The following MUC5B variants were observed in gnomAD, a reference collection of about 807,000 sequenced individuals.
The protein encoded by MUC5B is mucin 5B, oligomeric mucus/gel-forming.
Under a neutral mutation model 376.9 loss-of-function variants are expected in MUC5B, and 116 were observed. That is an observed-to-expected ratio of 0.31 (90% confidence interval 0.26 to 0.36). The LOEUF (loss-of-function observed/expected upper bound fraction) is 0.36, where lower values mean the gene tolerates loss of function less well. MUC5B is among the 10% of genes least tolerant of loss of function. MUC5B has a pLI of 1.00. For synonymous variants in MUC5B, 3,517 were observed against 3,390.9 expected, an observed-to-expected ratio of 1.04 and a Z score of -1.29; for missense variants, 7,165 against 7,769.9, an observed-to-expected ratio of 0.92 and a Z score of 2.93.
rs759262182 is a variant in MUC5B, at chr11:1,249,139, C to T, written c.12259C>T (p.Pro4087Ser). The change falls in exon 31 of 49, where the codon CCG becomes TCG. Residue 4087 changes from proline (P) to serine (S), a missense_variant. Transcript: ENST00000529681. ...ACCCCCTTCCCCAGGGACGACCACC[C>T]CGGGCCACACCACGGCCACCTCCAG... Reference protein sequence around the residue: ...ESPPSPGTTTPGHTTATSRTT... With the variant: ...ESPPSPGTTTSGHTTATSRTT... The T allele has an allele frequency of 1.9e-6, 3 of 1,611,244 alleles. No individual in the cohort carries two copies. The highest frequency in any genetic ancestry group is 2.7e-5 in the African/African-American group (2 of 74,814).
chr11:1,228,171 C>G (rs796567143), intron 7 of MUC5B, among the ~76,000 whole-genome samples: 30 of 152,176 alleles, frequency 2.0e-4, no homozygotes, highest in Non-Finnish European at 3.4e-4. Flanking sequence ...CATGAGCCCC[C>G]CTGTGAGCTG....
rs746266275 is a variant in MUC5B at position 1,233,234 on chromosome 11, C to T, written c.2287C>T (p.Pro763Ser). Residue 763 changes from proline to serine, a missense_variant, in exon 18 of 49, where the codon CCT (proline) becomes TCT (serine). Pro to Ser is a moderately conservative substitution (Grantham distance 74). Transcript: ENST00000529681. ...CTACGCTCACGGCACCGTGCTGGCT[C>T]CTGGAGAGGTGGTGCACGACGAGGG... ...PCYAHGTVLA[P>S]GEVVHDEGAV... 15 of 1,589,804 alleles carry T rather than the reference C, an allele frequency of 9.4e-6. No individual in the cohort carries two copies. The highest frequency in any genetic ancestry group is 4.5e-5 in the South Asian group (4 of 88,928).
intron 2 of MUC5B, 30 bp downstream of exon 2, chr11:1,225,767 T>C (rs1452395630): frequency 6.3e-7 from 1 of 1,585,484 alleles, no homozygotes; most frequent in African/African-American, 1.3e-5. Context: ...GGTGGGGGGT[T>C]CCTGACCAGG....
chr11:1,248,564 C>T lies in MUC5B; in HGVS notation c.11684C>T (p.Thr3895Ile). Residue 3895 changes from threonine (T) to isoleucine (I), a missense_variant, in exon 31 of 49, where the codon ACC becomes ATC. Around this residue, in one of 31 missense-constraint regions of MUC5B, gnomAD observed 242 missense variants for 199.0 expected, o/e 1.22. Transcript: ENST00000529681. Reference sequence around the variant, plus strand: ...CCTCCAGTGTGGATCAGCACAACCACCACACCCACAACCAGTGGCTCCACG... The same window carrying T: ...CCTCCAGTGTGGATCAGCACAACCATCACACCCACAACCAGTGGCTCCACG... ...RTPPVWISTT[T>I]TPTTSGSTVT... 6.2e-7 allele frequency: 1 copy of T among 1,613,380 alleles called. No homozygotes were observed. The highest frequency in any genetic ancestry group is 1.7e-4 in the Middle Eastern group (1 of 5,888).
intron 25 of MUC5B, 129 bp downstream of exon 25, chr11:1,237,293 T>C: frequency 8.6e-7 from 1 of 1,166,842 alleles, no homozygotes; most frequent in Non-Finnish European, 1.1e-6. Context: ...CGGCACACAG[T>C]CCTGGATGTC....
In MUC5B at chr11:1,229,202, G is replaced by A. The variant is rs1464620016; in HGVS notation, c.1009G>A (p.Glu337Lys). 1 of 1,600,154 alleles carries A rather than the reference G, an allele frequency of 6.2e-7. No homozygotes were observed. The highest frequency in any genetic ancestry group is 8.5e-7 in the Non-Finnish European group (1 of 1,176,792). Residue 337 changes from glutamate (E) to lysine (K), a missense_variant, in exon 9 of 49, where the codon GAG becomes AAG. Coordinates refer to ENST00000529681, the MANE Select transcript of MUC5B (RefSeq NM_002458.3). The part of the protein sequence containing the change: ...RTCPLNMQHQ[E>K]CGSPCTDTCS... ...CTGCCCCCTCAACATGCAGCACCAG[G>A]AGTGTGGCTCACCCTGCACGGACAC...
Position 1,226,227 on chromosome 11 carries a change from C to A in MUC5B, c.150C>A (p.Thr50=), listed in dbSNP as rs1260287911. 1.9e-6 allele frequency: 3 copies of A among 1,555,074 alleles called. No homozygotes were observed. Among genetic ancestry groups the A allele is most frequent in the African/African-American group, 1.4e-5 (1 of 73,202 alleles). The part of the protein sequence containing the change: ...MDGGAPTSSP[T]RRVSFVPPVT... ...CAGGTGCCCCGACGTCCTCGCCCAC[C>A]CGGCGCGTGAGCTTTGTTCCACCCG... Residue 50 remains threonine, a synonymous_variant, in exon 3 of 49, where the codon ACC becomes ACA. Coordinates refer to ENST00000529681, the MANE Select transcript of MUC5B (RefSeq NM_002458.3).
chr11:1,231,307 G>C, intron 13 of MUC5B, 116 bp from the exon 14 acceptor site: 1 of 1,281,098 alleles, frequency 7.8e-7, no homozygotes, highest in Non-Finnish European at 1.1e-6. Context: ...GGCCACTCCT[G>C]GGTCTCACTC....
rs1472778406 is a variant in MUC5B, at chr11:1,236,305, CT to C, written c.2881-80del. The C allele has an allele frequency of 5.6e-6, 8 of 1,429,602 alleles. No homozygotes were observed. In the African/African-American group the frequency reaches 1.1e-4, roughly 20 times the overall value. The allele number at this position is 1,429,602 out of a possible 1,614,324, so 88.6% of individuals were successfully genotyped here. Reference sequence around the variant, plus strand: ...AGAGCCCGTGCGCACCTGCAGAGCACTGGGTGGGGCATCCCTGGGTCTCAGG... The same window carrying C: ...AGAGCCCGTGCGCACCTGCAGAGCACGGGTGGGGCATCCCTGGGTCTCAGG... On this transcript the variant is annotated intron_variant, in intron 23 of 48. Transcript: ENST00000529681.
At chr11:1,229,452 A>C in intron 9 of MUC5B, 157 bp downstream of exon 9, 2 of 987,352 alleles carry the variant, frequency 2.0e-6, no homozygotes, top group East Asian at 2.7e-5. Context: ...AGGGTGCCGG[A>C]AGACCTGCCG....
At chr11:1,256,093 A>C (rs1862826917) in intron 37 of MUC5B, 63 bp from the exon 38 acceptor site, 1 of 699,996 alleles carries the variant, frequency 1.4e-6, no homozygotes, top group Middle Eastern at 2.3e-4. Context: ...CTGTGCGGTG[A>C]TTGGGGGCGG....
chr11:1,239,842 G>A lies in MUC5B; in HGVS notation c.3627G>A (p.Glu1209=). Residue 1209 remains glutamate (E), a synonymous_variant, in exon 28 of 49, where the codon GAG becomes GAA. Coordinates refer to ENST00000529681, the MANE Select transcript of MUC5B (RefSeq NM_002458.3). ...CACCCAGCCAGCCCTTCTTCAATGAGGACCAGATGAAGTGCGTGGCCCAGT... is the reference window on the plus strand; with the variant it reads ...CACCCAGCCAGCCCTTCTTCAATGAAGACCAGATGAAGTGCGTGGCCCAGT... ...KCPPSQPFFN[E]DQMKCVAQCG... 1.2e-6 allele frequency: 2 copies of A among 1,613,024 alleles called. No individual in the cohort carries two copies. The highest frequency in any genetic ancestry group is 2.2e-5 in the East Asian group (1 of 44,862).
rs1210509507 is a variant in MUC5B at position 1,239,581 on chromosome 11, T to C, written c.3583+15T>C. 1.3e-6 allele frequency: 2 copies of C among 1,547,748 alleles called. No homozygotes were observed. The highest frequency in any genetic ancestry group is 1.4e-5 in the African/African-American group (1 of 73,092). On this transcript the variant is annotated intron_variant, in intron 27 of 48. Transcript: ENST00000529681. ...TGGCCTGGAAGGTGAGGGGCAGCCT[T>C]TCTTGGATGGAGCCTCCTCTCCTTG...
In MUC5B at chr11:1,242,895, G is replaced by C. The variant is rs1257664387; in HGVS notation, c.6015G>C (p.Met2005Ile). ...AGACCACCACACCCACGGCCACCAT[G>C]TCCACAGCCACACCCTCCTCCACTC... is the stretch of plus-strand genomic sequence containing the variant. Reference protein sequence around the residue: ...LSQTTTPTATMSTATPSSTPE... With the variant: ...LSQTTTPTATISTATPSSTPE... The change falls in exon 31 of 49, where the codon ATG becomes ATC. Residue 2005 changes from methionine (M) to isoleucine (I), a missense_variant. Around this residue, in one of 31 missense-constraint regions of MUC5B, gnomAD observed 897 missense variants for 779.6 expected, o/e 1.15. Coordinates refer to ENST00000529681, the MANE Select transcript of MUC5B (RefSeq NM_002458.3). The C allele has an allele frequency of 1.3e-5, 21 of 1,610,174 alleles. No homozygotes were observed. The highest frequency in any genetic ancestry group is 1.6e-5 in the Non-Finnish European group (19 of 1,178,910).
In MUC5B at chr11:1,258,279, G is replaced by A; in HGVS notation, c.16556-51G>A. The A allele has an allele frequency of 6.2e-7, 1 of 1,602,664 alleles. No homozygotes were observed. The highest frequency in any genetic ancestry group is 8.5e-7 in the Non-Finnish European group (1 of 1,174,892). ...GGAGTGCAGGATGGTGGGGGCGCTGGAGCACATGCTCCCCACCACTTGTCG... is the reference window on the plus strand; with the variant it reads ...GGAGTGCAGGATGGTGGGGGCGCTGAAGCACATGCTCCCCACCACTTGTCG... On this transcript the variant is annotated intron_variant, in intron 42 of 48. Transcript: ENST00000529681. This position sits in a 1 kb window ranked among gnomAD's most constrained non-coding sequence, Gnocchi z 5.5.
chr11:1,230,274 C>A, intron 11 of MUC5B, 131 bp downstream of exon 11: 2 of 1,340,710 alleles, frequency 1.5e-6, no homozygotes, highest in Non-Finnish European at 2.0e-6. Context: ...GCCCTGGGTC[C>A]CCATGATGGT....
In MUC5B at chr11:1,249,756, C is replaced by A; in HGVS notation, c.12876C>A (p.Thr4292=). The A allele has an allele frequency of 6.2e-7, 1 of 1,612,880 alleles. No homozygotes were observed. Among genetic ancestry groups the A allele is most frequent in the Non-Finnish European group, 8.5e-7 (1 of 1,179,456 alleles). The part of the protein sequence containing the change: ...LTSPATTPTA[T]SSKATSSSSP... ...GCCCGGCCACCACACCCACAGCCAC[C>A]AGTTCCAAAGCCACTTCCTCCTCCA... is the stretch of plus-strand genomic sequence containing the variant. The change falls in exon 31 of 49, where the codon ACC becomes ACA. Residue 4292 remains threonine (T), a synonymous_variant. Coordinates refer to ENST00000529681, the MANE Select transcript of MUC5B (RefSeq NM_002458.3).
chr11:1,238,664 G>T (rs1862206382), intron 25 of MUC5B, among the ~76,000 whole-genome samples: 2 of 152,196 alleles, frequency 1.3e-5, no homozygotes, highest in South Asian at 4.1e-4. Context: ...AGGGATATAG[G>T]TGGACGAGGG....
chr11:1,233,115 G>C lies in MUC5B; in HGVS notation c.2168G>C (p.Ser723Thr), dbSNP rs752728817. 50 of 1,607,978 alleles carry C rather than the reference G, an allele frequency of 3.1e-5. No homozygotes were observed. The highest frequency in any genetic ancestry group is 4.2e-5 in the Non-Finnish European group (49 of 1,179,496). ...RGLSEADVTC[S>T]VSFVPVDGCT... ...CTGAGTGAGGCCGACGTCACCTGCA[G>C]CGTTTCCTTCGTGCCTGTGGACGGC... The change falls in exon 18 of 49, where the codon AGC becomes ACC. Residue 723 changes from serine to threonine, a missense_variant. Physicochemically the swap from Ser to Thr is moderately conservative, Grantham distance 58. Around this residue, in one of 31 missense-constraint regions of MUC5B, gnomAD observed 530 missense variants for 604.0 expected, o/e 0.88. Transcript: ENST00000529681.
Sources: gnomAD v4.1 joint callset for allele counts (sites outside exome capture counted in the v4.1 genomes callset) on GRCh38, gnomAD v4.1.1 for gene constraint, gnomAD v4.1.1 regional missense constraint, Gnocchi (gnomAD v3.1) non-coding constraint, MANE v1.5 for transcripts, NCBI Gene and HGNC (gene_info 2026-07-23, HGNC 2026-07-21) for gene names.